Variants in POMK observed in about 807,000 individuals in gnomAD.
POMK encodes Sugen kinase 196.
A neutral mutation model predicts 23.0 loss-of-function variants in POMK; 19 were observed. The ratio of observed to expected loss-of-function variants is 0.83; its 90% CI spans 0.58 to 1.21. The LOEUF is 1.21. POMK is among the 50% of genes most tolerant of loss of function. The probability of loss-of-function intolerance (pLI) is 0.00; values close to 1 mark genes in which losing one functional copy is unlikely to be tolerated. For missense variants in POMK, 410 were observed against 431.3 expected (o/e 0.95, Z 0.44); for synonymous variants, 173 against 171.6 (o/e 1.01, Z -0.06).
At chr8:43,114,015 C>G (rs530897692) in intron 4 of POMK, among the ~76,000 whole-genome samples, 28 of 152,312 alleles carry the variant, frequency 1.8e-4, no homozygotes, top group Non-Finnish European at 2.8e-4. Flanking sequence ...TGTCAGTCTG[C>G]CCCTACTGGG....
intron 4 of POMK, among the ~76,000 whole-genome samples, chr8:43,113,806 G>A (rs1350207456): frequency 6.6e-6 from 1 of 152,216 alleles, no homozygotes; most frequent in Admixed American, 6.5e-5. Flanking sequence ...TGTCCTTTCT[G>A]TTTGTTAGTT....
intron 4 of POMK, among the ~76,000 whole-genome samples, chr8:43,111,166 T>C (rs902576992): frequency 6.6e-6 from 1 of 152,138 alleles, no homozygotes; most frequent in African/African-American, 2.4e-5. Flanking sequence ...GGAGTCCCTT[T>C]TCTAGTCAAA....
intron 1 of POMK, among the ~76,000 whole-genome samples, chr8:43,094,381 A>C (rs574710730): frequency 6.6e-5 from 10 of 152,260 alleles, no homozygotes; most frequent in Middle Eastern, 3.4e-3. Context: ...CCAAACCAAA[A>C]CAAAACAAAA....
chr8:43,095,684 C>T (rs1443653543), intron 1 of POMK, among the ~76,000 whole-genome samples: 1 of 152,152 alleles, frequency 6.6e-6, no homozygotes, highest in Non-Finnish European at 1.5e-5. Context: ...GCACAAATAC[C>T]TTCCAAAACC....
chr8:43,115,856 C>T (rs1012615704), intron 4 of POMK, among the ~76,000 whole-genome samples: 2 of 152,244 alleles, frequency 1.3e-5, no homozygotes, highest in Non-Finnish European at 2.9e-5. Context: ...CTCTCTCCTG[C>T]TCCATGGTCC....
At position 43,122,278 on chromosome 8, in the gene POMK, C is replaced by T; in HGVS notation, c.454C>T (p.His152Tyr). The T allele has an allele frequency of 6.2e-7, 1 of 1,614,200 alleles. No individual in the cohort carries two copies. The highest frequency in any genetic ancestry group is 8.5e-7 in the Non-Finnish European group (1 of 1,180,004). Residue 152 changes from histidine (H) to tyrosine (Y), a missense_variant, in exon 5 of 5, where the codon CAC (histidine) becomes TAC (tyrosine). Physicochemically the swap from His to Tyr is moderately conservative, Grantham distance 83. Transcript: ENST00000331373. ...EDDNTMLTEY[H>Y]PLGSLSNLEE... is the part of the protein sequence containing the mutation. ...TGACAACACTATGCTTACTGAATAT[C>T]ACCCTCTAGGTTCCTTGAGTAACCT...
intron 2 of POMK, among the ~76,000 whole-genome samples, chr8:43,101,885 T>G (rs1224176354): frequency 1.3e-5 from 2 of 152,200 alleles, no homozygotes; most frequent in African/African-American, 4.8e-5. Flanking sequence ...ACTTTGTGGT[T>G]TCATTGACGT....
At chr8:43,110,232 A>G (rs1029890685) in intron 4 of POMK, among the ~76,000 whole-genome samples, 3 of 147,904 alleles carry the variant, frequency 2.0e-5, no homozygotes, top group African/African-American at 5.4e-5. Context: ...TACACTGTTA[A>G]CTCAATGACT....
intron 1 of POMK, among the ~76,000 whole-genome samples, chr8:43,095,077 C>T (rs1050308014): frequency 1.3e-5 from 2 of 152,172 alleles, no homozygotes; most frequent in Non-Finnish European, 2.9e-5. Context: ...TTTAAGAAAC[C>T]GGCAGTCCCA....
At chr8:43,105,328 T>C (rs1259167879) in intron 4 of POMK, among the ~76,000 whole-genome samples, 5 of 152,258 alleles carry the variant, frequency 3.3e-5, no homozygotes, top group Non-Finnish European at 5.9e-5. Flanking sequence ...TCTCTGCCTA[T>C]CCTCGCCTTT....
intron 2 of POMK, among the ~76,000 whole-genome samples, chr8:43,099,771 G>C (rs534590566): frequency 6.6e-6 from 1 of 152,304 alleles, no homozygotes; most frequent in African/African-American, 2.4e-5. Context: ...ACTGTTTGTA[G>C]TAATAGGAGA....
chr8:43,107,061 T>C (rs888882745), intron 4 of POMK, among the ~76,000 whole-genome samples: 6 of 152,184 alleles, frequency 3.9e-5, no homozygotes, highest in African/African-American at 1.4e-4. Context: ...CTTTATAGTT[T>C]TAGTACAGCA....
At chr8:43,121,828 C>T (rs1371225736) in intron 4 of POMK, among the ~76,000 whole-genome samples, 1 of 152,244 alleles carries the variant, frequency 6.6e-6, no homozygotes, top group Non-Finnish European at 1.5e-5. Context: ...CCAAAGCCTT[C>T]CAGCACCCTC....
chr8:43,098,591 G>A (rs995248930), intron 2 of POMK, among the ~76,000 whole-genome samples: 1 of 152,184 alleles, frequency 6.6e-6, no homozygotes, highest in Admixed American at 6.5e-5. Context: ...ATGTATGAGT[G>A]TGTGTGTGAG....
chr8:43,120,120 G>T (rs1274307270), intron 4 of POMK, among the ~76,000 whole-genome samples: 1 of 151,544 alleles, frequency 6.6e-6, no homozygotes, highest in East Asian at 1.9e-4. Context: ...TATTTCCTTT[G>T]ATTTCCATGT....
At chr8:43,109,797 T>G (rs1001677555) in intron 4 of POMK, among the ~76,000 whole-genome samples, 3 of 152,218 alleles carry the variant, frequency 2.0e-5, no homozygotes, top group Admixed American at 6.5e-5. Context: ...TGCCTCAGCC[T>G]CCCAAAGTGT....
At position 43,103,392 on chromosome 8, in the gene POMK, G is replaced by A. The variant is rs1238492181; in HGVS notation, c.-21-136G>A. ...GGCATTTGGGATAAGCCTGGTGTTCGATACCTGCTTTAATCCCCACGGTAA... is the reference window on the plus strand; with the variant it reads ...GGCATTTGGGATAAGCCTGGTGTTCAATACCTGCTTTAATCCCCACGGTAA... On this transcript the variant is annotated intron_variant, in intron 3 of 4. Transcript: ENST00000331373. The A allele has an allele frequency of 1.0e-5, 8 of 773,742 alleles. No homozygotes were observed. In the Admixed American group the frequency reaches 1.5e-4, roughly 15 times the overall value. The allele number at this position is 773,742 out of a possible 1,614,324, so 47.9% of individuals were successfully genotyped here.
Position 43,120,574 on chromosome 8 carries a change from G to A in POMK, c.283-1533G>A, listed in dbSNP as rs144551805. ...TATAAATATATACATTTTGGTGACC[G>A]CATGATATATATATATATTGAATGA... On this transcript the variant is annotated intron_variant, in intron 4 of 4. Transcript: ENST00000331373. Among the ~76,000 whole-genome samples the A allele has an allele frequency of 1.4e-4, 21 of 151,566 alleles. No homozygotes were observed. In the East Asian group the frequency reaches 2.7e-3, roughly 20 times the overall value.
At chr8:43,100,718 A>C (rs1200280399) in intron 2 of POMK, among the ~76,000 whole-genome samples, 7 of 151,640 alleles carry the variant, frequency 4.6e-5, no homozygotes, top group Non-Finnish European at 1.5e-5. Flanking sequence ...GATCTGATGG[A>C]GGGAGGACGG....
Sources: gnomAD v4.1 joint callset for allele counts (sites outside exome capture counted in the v4.1 genomes callset) on GRCh38, gnomAD v4.1.1 for gene constraint, MANE v1.5 for transcripts, NCBI Gene and HGNC (gene_info 2026-07-23, HGNC 2026-07-21) for gene names.